Variants in SEMA3A observed in about 807,000 individuals in gnomAD.
SEMA3A encodes semaphorin 3A, also known as semaphorin-3A.
In SEMA3A, 29 loss-of-function variants were observed where a neutral mutation model predicts 97.9. That is an observed-to-expected ratio of 0.30 (90% CI 0.22 to 0.40). The LOEUF is 0.40. Ranked by LOEUF, SEMA3A falls within the 10% of genes least tolerant of loss-of-function variation. SEMA3A has a pLI of 1.00. For synonymous variants in SEMA3A, 321 were observed against 323.7 expected, an observed-to-expected ratio of 0.99 and a Z score of 0.09; for missense variants, 763 against 951.3, an observed-to-expected ratio of 0.80 and a Z score of 2.60.
intron 3 of SEMA3A, among the ~76,000 whole-genome samples, chr7:84,117,846 C>T (rs1045508310): frequency 1.3e-5 from 2 of 152,186 alleles, no homozygotes; most frequent in African/African-American, 4.8e-5. Flanking sequence ...TACTTAGAAT[C>T]TCTGAGCCTG....
At position 84,472,135 on chromosome 7, in the gene SEMA3A, G is replaced by C. The variant is rs535019687; in HGVS notation, c.-246+20325C>G. 9.3e-4 allele frequency among the ~76,000 whole-genome samples: 141 copies of C among 152,054 alleles called. 1 individual carries two copies. Among genetic ancestry groups the C allele is most frequent in the Middle Eastern group, 3.4e-3 (1 of 294 alleles). On this transcript the variant is annotated intron_variant, in intron 1 of 3. Transcript: ENST00000424555. ...ATATATGGCTATAATAGAAAAGCAG[G>C]CATGTGTGAGTGTATGTGATTACAT...
chr7:84,191,092 C>T (rs1798025089), intron 1 of SEMA3A, among the ~76,000 whole-genome samples: 1 of 150,554 alleles, frequency 6.6e-6, no homozygotes. Flanking sequence ...ATTTATTGAA[C>T]AAAAGGTAAA....
chr7:84,463,464 A>T (rs574269737), intron 1 of SEMA3A, among the ~76,000 whole-genome samples: 8 of 151,730 alleles, frequency 5.3e-5, no homozygotes, highest in African/African-American at 1.9e-4. Context: ...TAGCCAGGAT[A>T]GTCCCGATCT....
Position 83,981,546 on chromosome 7 carries a change from A to G in SEMA3A, c.1495-68T>C, listed in dbSNP as rs1789418081. On this transcript the variant is annotated intron_variant, in intron 13 of 16. Coordinates refer to ENST00000265362, the MANE Select transcript of SEMA3A (RefSeq NM_006080.3). ...TTTAAATCTCTTGTTCTCTTAAAAAAGAGTTTATTTATATATAACTTCTCA... is the reference window on the plus strand; with the variant it reads ...TTTAAATCTCTTGTTCTCTTAAAAAGGAGTTTATTTATATATAACTTCTCA... The G allele has an allele frequency of 2.3e-6, 3 of 1,305,384 alleles. No homozygotes were observed. In the East Asian group the frequency reaches 7.9e-5, roughly 35 times the overall value. 80.9% of individuals were successfully genotyped at this position (1,305,384 alleles called of 1,614,324 possible).
At chr7:84,147,378 G>A (rs28708904) in intron 1 of SEMA3A, among the ~76,000 whole-genome samples, 13,971 of 152,184 alleles carry the variant, frequency 0.092, 1,235 homozygotes, top group African/African-American at 0.23. Context: ...ATTTTGGGGA[G>A]GAAAAAAGTC....
At position 84,367,448 on chromosome 7, in the gene SEMA3A, C is replaced by T. The variant is rs76782268; in HGVS notation, c.-169+4376G>A. Among the ~76,000 whole-genome samples, 93 of 150,670 alleles carry T rather than the reference C, an allele frequency of 6.2e-4. 1 individual carries two copies. Among genetic ancestry groups the T allele is most frequent in the African/African-American group, 2.1e-3 (88 of 41,264 alleles). On this transcript the variant is annotated intron_variant, in intron 2 of 3. Coordinates refer to the SEMA3A transcript ENST00000424555. ...TAATGTATGTGCATAATTAAAATAC[C>T]GCTTCTTAAGAAAAAAATCGCCAAA...
chr7:84,162,900 T>C (rs531122300), intron 1 of SEMA3A, among the ~76,000 whole-genome samples: 1 of 152,296 alleles, frequency 6.6e-6, no homozygotes, highest in South Asian at 2.1e-4. Context: ...ATTTGTTTCA[T>C]GAAATAGACT....
intron 1 of SEMA3A, among the ~76,000 whole-genome samples, chr7:84,378,856 A>T (rs1245636748): frequency 6.6e-6 from 1 of 152,030 alleles, no homozygotes; most frequent in Non-Finnish European, 1.5e-5. Flanking sequence ...TCTGATCAAT[A>T]GGAAAATTAA....
chr7:84,013,672 C>A (rs970857899), intron 7 of SEMA3A, among the ~76,000 whole-genome samples: 2 of 152,084 alleles, frequency 1.3e-5, no homozygotes, highest in African/African-American at 2.4e-5. Context: ...CATGATGAAA[C>A]CCCGTCTCTA....
chr7:84,437,976 A>G lies in SEMA3A; in HGVS notation c.-246+54484T>C, dbSNP rs193255355. Among the ~76,000 whole-genome samples the G allele has an allele frequency of 3.6e-3, 545 of 152,146 alleles. 3 individuals carry two copies. The highest frequency in any genetic ancestry group is 0.012 in the African/African-American group (514 of 41,532). Reference sequence around the variant, plus strand: ...AAGTTTTATTTTTACAGAACATGAAACTTGCTGGCTAAAAAGATAAAGAAT... The same window carrying G: ...AAGTTTTATTTTTACAGAACATGAAGCTTGCTGGCTAAAAAGATAAAGAAT... On this transcript the variant is annotated intron_variant, in intron 1 of 3. Coordinates refer to the SEMA3A transcript ENST00000424555.
intron 1 of SEMA3A, among the ~76,000 whole-genome samples, chr7:84,464,159 A>T (rs541328934): frequency 6.6e-6 from 1 of 152,326 alleles, no homozygotes; most frequent in African/African-American, 2.4e-5. Context: ...CACAAATAAC[A>T]GTTTTCCTTT....
intron 6 of SEMA3A, 149 bp downstream of exon 6, chr7:84,046,175 T>G (rs1792340108): frequency 1.3e-6 from 1 of 792,584 alleles, no homozygotes; most frequent in Non-Finnish European, 1.9e-6. Context: ...TTTGCCGAAC[T>G]TTCTCACACC....
At chr7:83,966,331 G>C (rs1721141488) in intron 15 of SEMA3A, among the ~76,000 whole-genome samples, 2 of 152,038 alleles carry the variant, frequency 1.3e-5, no homozygotes, top group Non-Finnish European at 1.5e-5. Context: ...ATTGTTTTTA[G>C]TTTAATATAC....
In SEMA3A at chr7:84,136,038, T is replaced by C. The variant is rs146387254; in HGVS notation, c.113-1087A>G. On this transcript the variant is annotated intron_variant, in intron 1 of 16. Transcript: ENST00000265362. ...ATTAATTATTGGCTTCTTAAAAATA[T>C]GTTTTGCTCAATGCACGCACACATG... is the stretch of plus-strand genomic sequence containing the variant. Among the ~76,000 whole-genome samples, 450 of 152,304 alleles carry C rather than the reference T, an allele frequency of 3.0e-3. 5 individuals carry two copies. Among genetic ancestry groups the C allele is most frequent in the African/African-American group, 0.01 (430 of 41,550 alleles).
intron 2 of SEMA3A, among the ~76,000 whole-genome samples, chr7:84,322,190 C>G (rs1169564458): frequency 1.3e-5 from 2 of 151,824 alleles, no homozygotes; most frequent in African/African-American, 4.8e-5. Flanking sequence ...GCCCTTGACA[C>G]ATGGAGATTA....
intron 1 of SEMA3A, 56 bp from the exon 2 acceptor site, chr7:84,135,007 A>C: frequency 6.9e-7 from 1 of 1,440,150 alleles, no homozygotes; most frequent in Non-Finnish European, 9.6e-7. Context: ...ATATAAGCAT[A>C]GACTGTTGGT....
At chr7:84,120,378 C>T (rs1441633401) in intron 3 of SEMA3A, among the ~76,000 whole-genome samples, 2 of 151,980 alleles carry the variant, frequency 1.3e-5, no homozygotes, top group African/African-American at 2.4e-5. Context: ...GGACTTGTAA[C>T]CAAATATGAG....
intron 1 of SEMA3A, among the ~76,000 whole-genome samples, chr7:84,180,233 A>C (rs1797700285): frequency 6.6e-6 from 1 of 151,320 alleles, no homozygotes; most frequent in Admixed American, 6.6e-5. Context: ...GGCATGAGCC[A>C]CCGTGCCCGG....
Position 84,420,087 on chromosome 7 carries a change from A to G in SEMA3A, c.-245-48187T>C, listed in dbSNP as rs182614194. ...AGATAGTGAGTTCTGGGGAAGAAGG[A>G]GAATCTTGTTCCCAGAATTTTCATA... On this transcript the variant is annotated intron_variant, in intron 1 of 3. Transcript: ENST00000424555. Among the ~76,000 whole-genome samples the G allele has an allele frequency of 6.5e-3, 991 of 152,168 alleles. 8 individuals carry two copies. Among genetic ancestry groups the G allele is most frequent in the Non-Finnish European group, 8.9e-3 (604 of 67,992 alleles).
Sources: gnomAD v4.1 joint callset for allele counts (sites outside exome capture counted in the v4.1 genomes callset) on GRCh38, gnomAD v4.1.1 for gene constraint, MANE v1.5 for transcripts, NCBI Gene and HGNC (gene_info 2026-07-23, HGNC 2026-07-21) for gene names.